Variants in KCNH5 observed in about 807,000 individuals in gnomAD.
The protein encoded by KCNH5 is potassium voltage-gated channel subfamily H member 5, also known as voltage-gated delayed rectifier potassium channel KCNH5.
A neutral mutation model predicts 96.1 loss-of-function variants in KCNH5; 46 were observed. The ratio of observed to expected loss-of-function variants is 0.48; its 90% CI spans 0.38 to 0.61. The LOEUF (loss-of-function observed/expected upper bound fraction) is 0.61. KCNH5 is among the 20% of genes least tolerant of loss of function. The pLI is 0.00. For missense variants in KCNH5, 907 were observed against 1,225.8 expected, an observed-to-expected ratio of 0.74 and a Z score of 3.88; for synonymous variants, 439 against 449.8, an observed-to-expected ratio of 0.98 and a Z score of 0.30.
intron 1 of KCNH5, among the ~76,000 whole-genome samples, chr14:63,031,865 T>TTA (rs1891634315): frequency 6.6e-6 from 1 of 152,024 alleles, no homozygotes; most frequent in African/African-American, 2.4e-5. Flanking sequence ...GTTACAGGCC[T>TTA]TATATATATA....
chr14:62,935,708 CACTGTGCCAGTTTAAA>C (rs1317417003), intron 7 of KCNH5, among the ~76,000 whole-genome samples: 2 of 152,168 alleles, frequency 1.3e-5, no homozygotes, highest in Non-Finnish European at 2.9e-5. Flanking sequence ...TTCATTGAGA[CACTGTGCCAGTTTAAA>C]ACTCAGTCCA....
intron 7 of KCNH5, among the ~76,000 whole-genome samples, chr14:62,882,101 A>T (rs1477767956): frequency 9.1e-5 from 1 of 10,954 alleles, no homozygotes; most frequent in Middle Eastern, 0.026. Context: ...CCCATTTCTT[A>T]AAAAAAAAAA....
chr14:62,737,129 C>T (rs774576250), intron 10 of KCNH5, among the ~76,000 whole-genome samples: 1 of 152,116 alleles, frequency 6.6e-6, no homozygotes, highest in Non-Finnish European at 1.5e-5. Context: ...ATGCTTGAAC[C>T]TTCTTTCCTG....
At position 62,719,496 on chromosome 14, in the gene KCNH5, G is replaced by A. The variant is rs192921770; in HGVS notation, c.2020-11041C>T. On this transcript the variant is annotated intron_variant, in intron 10 of 10. Transcript: ENST00000322893. ...AGTTTAATTGAGCAATGAACGATTC[G>A]TGAATTGGGCAGCCCCCAGAATCAC... Among the ~76,000 whole-genome samples, 406 of 152,346 alleles carry A rather than the reference G, an allele frequency of 2.7e-3. 3 individuals are homozygous for A. Among genetic ancestry groups the A allele is most frequent in the African/African-American group, 9.4e-3 (390 of 41,584 alleles).
chr14:62,922,808 G>C (rs1241517040), intron 7 of KCNH5, among the ~76,000 whole-genome samples: 1 of 151,832 alleles, frequency 6.6e-6, no homozygotes, highest in Non-Finnish European at 1.5e-5. Flanking sequence ...CTCAATAAAG[G>C]CTATATATGG....
At chr14:62,950,788 C>G (rs151222273) in intron 6 of KCNH5, among the ~76,000 whole-genome samples, 1 of 152,150 alleles carries the variant, frequency 6.6e-6, no homozygotes, top group East Asian at 1.9e-4. Context: ...TTAGATAAAA[C>G]AGATTTCATT....
rs117310011 is a variant in KCNH5 at position 63,024,412 on chromosome 14, G to C, written c.74-7458C>G. 7.5e-3 allele frequency among the ~76,000 whole-genome samples: 1,134 copies of C among 152,014 alleles called. 3 individuals carry two copies. Among genetic ancestry groups the C allele is most frequent in the Non-Finnish European group, 0.012 (841 of 67,952 alleles). Reference sequence around the variant, plus strand: ...GAACAAACTAAGCCCAAAGTTAGTAGAAGGAAAGAAATAATAAAGATTTGA... The same window carrying C: ...GAACAAACTAAGCCCAAAGTTAGTACAAGGAAAGAAATAATAAAGATTTGA... On this transcript the variant is annotated intron_variant, in intron 1 of 10. Transcript: ENST00000322893.
At chr14:62,828,987 G>A (rs139418118) in intron 8 of KCNH5, among the ~76,000 whole-genome samples, 47 of 152,258 alleles carry the variant, frequency 3.1e-4, no homozygotes, top group Admixed American at 1.7e-3. Context: ...AGGGAGAAAT[G>A]GGTCAAAACA....
At chr14:62,839,680 A>G (rs1401479417) in intron 8 of KCNH5, among the ~76,000 whole-genome samples, 1 of 152,188 alleles carries the variant, frequency 6.6e-6, no homozygotes, top group South Asian at 2.1e-4. Flanking sequence ...ATTTACATGG[A>G]ACACACAGAC....
chr14:62,922,595 A>G (rs1190230916), intron 7 of KCNH5, among the ~76,000 whole-genome samples: 1 of 152,014 alleles, frequency 6.6e-6, no homozygotes, highest in Admixed American at 6.6e-5. Context: ...AAAGGATCAT[A>G]CACTATACGC....
intron 7 of KCNH5, among the ~76,000 whole-genome samples, chr14:62,853,449 GAATAATCATATATATATATATATATATAT>G (rs1887849138): frequency 1.0e-4 from 4 of 38,526 alleles, no homozygotes; most frequent in African/African-American, 4.8e-4. Context: ...CAAACAAAAA[GAATAATCATATATATATATATATATATAT>G]ATCATATATA....
intron 7 of KCNH5, among the ~76,000 whole-genome samples, chr14:62,877,669 G>C (rs1251227485): frequency 6.6e-6 from 1 of 151,914 alleles, no homozygotes. Context: ...CAGTTAGAAT[G>C]GCGATCATTA....
At chr14:62,782,990 A>G (rs1886250498) in intron 9 of KCNH5, among the ~76,000 whole-genome samples, 1 of 152,232 alleles carries the variant, frequency 6.6e-6, no homozygotes, top group Non-Finnish European at 1.5e-5. Context: ...ATTTATTTAT[A>G]AAAATGCTCA....
intron 7 of KCNH5, among the ~76,000 whole-genome samples, chr14:62,894,315 G>A (rs182923985): frequency 6.6e-6 from 1 of 152,136 alleles, no homozygotes; most frequent in Non-Finnish European, 1.5e-5. Context: ...CTGAATCTAA[G>A]TATTAAAGAG....
At chr14:62,776,282 G>A (rs1286276549) in intron 10 of KCNH5, among the ~76,000 whole-genome samples, 3 of 151,700 alleles carry the variant, frequency 2.0e-5, no homozygotes, top group Non-Finnish European at 4.4e-5. Flanking sequence ...AAAAAAAGTT[G>A]GGGCCCTCAT....
intron 6 of KCNH5, among the ~76,000 whole-genome samples, chr14:62,967,469 T>C (rs1048571911): frequency 2.0e-5 from 3 of 151,998 alleles, no homozygotes; most frequent in Admixed American, 2.0e-4. Context: ...GGAAGACTGC[T>C]AGCCAAAGGT....
At chr14:63,006,333 T>G (rs1184339975) in intron 3 of KCNH5, 33 bp downstream of exon 3, 2 of 1,287,098 alleles carry the variant, frequency 1.6e-6, no homozygotes, top group East Asian at 4.7e-5. Flanking sequence ...TAATAAAGAG[T>G]TGGCACATCT....
chr14:62,710,006 C>G (rs1294198809), intron 10 of KCNH5, among the ~76,000 whole-genome samples: 1 of 152,186 alleles, frequency 6.6e-6, no homozygotes, highest in Non-Finnish European at 1.5e-5. Context: ...ATAACAGACA[C>G]TCAGCATACG....
intron 10 of KCNH5, among the ~76,000 whole-genome samples, chr14:62,736,523 C>T (rs1439738661): frequency 2.0e-5 from 3 of 152,134 alleles, no homozygotes; most frequent in African/African-American, 7.2e-5. Flanking sequence ...AAAAGACATG[C>T]CGGCCCCAAG....
Sources: allele counts gnomAD v4.1 joint callset (sites outside exome capture counted in the v4.1 genomes callset), GRCh38; gene constraint gnomAD v4.1.1; transcripts MANE v1.5; gene names NCBI Gene and HGNC (gene_info 2026-07-23, HGNC 2026-07-21).